Variants in MEI4 observed in about 807,000 individuals in gnomAD.
The protein encoded by MEI4 is meiotic double-stranded break formation protein 4.
Under a neutral mutation model 31.4 loss-of-function variants are expected in MEI4, and 27 were observed. That is an observed-to-expected ratio of 0.86 (90% CI 0.63 to 1.19). The LOEUF (loss-of-function observed/expected upper bound fraction) is 1.19, where lower values mean the gene tolerates loss of function less well. Ranked by LOEUF, MEI4 falls within the 50% of genes most tolerant of loss-of-function variation. The pLI, the probability that MEI4 is intolerant of heterozygous loss-of-function variation, is 0.00. For synonymous variants in MEI4, 122 were observed against 145.4 expected (o/e 0.84, Z 1.16); for missense variants, 329 against 398.9 (o/e 0.82, Z 1.49).
At chr6:77,861,317 C>A (rs1334059312) in intron 4 of MEI4, among the ~76,000 whole-genome samples, 1 of 152,238 alleles carries the variant, frequency 6.6e-6, no homozygotes, top group African/African-American at 2.4e-5. Flanking sequence ...ATATCTATCT[C>A]TAAAAGCTTG....
chr6:77,680,848 T>C (rs1178422269), intron 1 of MEI4, among the ~76,000 whole-genome samples: 1 of 152,128 alleles, frequency 6.6e-6, no homozygotes, highest in East Asian at 1.9e-4. Flanking sequence ...GAAATTTAAA[T>C]GAGTGAGACT....
At chr6:77,744,840 C>T (rs1455458159) in intron 2 of MEI4, among the ~76,000 whole-genome samples, 1 of 152,190 alleles carries the variant, frequency 6.6e-6, no homozygotes, top group African/African-American at 2.4e-5. Flanking sequence ...AAAGAATTTT[C>T]AACCCAGAAT....
rs569223894 is a variant in MEI4, at chr6:77,751,297, A to AC, written c.233-9833_233-9832insC. On this transcript the variant is annotated intron_variant, in intron 2 of 4. Transcript: ENST00000684080. ...AGAACTGAAGGAGATAGAAACACAC[A>AC]AAAAAAAACCCTTGAAAAAACTTGG... Among the ~76,000 whole-genome samples the AC allele has an allele frequency of 1.4e-3, 213 of 148,694 alleles. 1 individual carries two copies. Among genetic ancestry groups the AC allele is most frequent in the African/African-American group, 4.8e-3 (187 of 39,252 alleles).
At chr6:77,684,320 A>G (rs1769013288) in intron 1 of MEI4, among the ~76,000 whole-genome samples, 1 of 152,170 alleles carries the variant, frequency 6.6e-6, no homozygotes, top group South Asian at 2.1e-4. Context: ...CAGGAATGCA[A>G]TGTGAAATAA....
chr6:77,821,666 A>G (rs1769828845), intron 3 of MEI4, among the ~76,000 whole-genome samples: 1 of 152,114 alleles, frequency 6.6e-6, no homozygotes, highest in South Asian at 2.1e-4. Context: ...ATGGTGGCAC[A>G]TGCCTGTACT....
At chr6:77,773,200 C>T (rs754474407) in intron 3 of MEI4, among the ~76,000 whole-genome samples, 1 of 151,814 alleles carries the variant, frequency 6.6e-6, no homozygotes, top group Non-Finnish European at 1.5e-5. Flanking sequence ...AGTCCTAAAA[C>T]TTATATAGAA....
intron 4 of MEI4, among the ~76,000 whole-genome samples, chr6:77,871,648 G>A (rs1771195930): frequency 6.6e-6 from 1 of 151,842 alleles, no homozygotes; most frequent in Non-Finnish European, 1.5e-5. Context: ...TCAGCACCAG[G>A]CAATATACAC....
intron 2 of MEI4, among the ~76,000 whole-genome samples, chr6:77,740,264 G>T (rs1046492409): frequency 6.6e-6 from 1 of 152,130 alleles, no homozygotes; most frequent in Admixed American, 6.5e-5. Flanking sequence ...TGGCACATGA[G>T]GATGAGAAGA....
At chr6:77,901,978 T>C (rs1215973931) in intron 4 of MEI4, among the ~76,000 whole-genome samples, 1 of 152,130 alleles carries the variant, frequency 6.6e-6, no homozygotes, top group Non-Finnish European at 1.5e-5. Flanking sequence ...TTTTCTATTG[T>C]ATATTTTTGT....
chr6:77,732,643 G>T (rs1000938556), intron 2 of MEI4, among the ~76,000 whole-genome samples: 14 of 151,890 alleles, frequency 9.2e-5, no homozygotes, highest in South Asian at 4.2e-4. Context: ...TAATTGCCCT[G>T]GCCAAGACTT....
chr6:77,666,897 G>A (rs981755469), intron 1 of MEI4, among the ~76,000 whole-genome samples: 7 of 151,820 alleles, frequency 4.6e-5, no homozygotes, highest in South Asian at 2.1e-4. Flanking sequence ...GCGTGCGTGC[G>A]TGCATGTGTT....
intron 4 of MEI4, among the ~76,000 whole-genome samples, chr6:77,849,774 G>A (rs896358649): frequency 3.3e-5 from 5 of 152,104 alleles, no homozygotes; most frequent in African/African-American, 1.2e-4. Flanking sequence ...CTCTGTAATG[G>A]TACTCAAAAA....
rs548061004 is a variant in MEI4, at chr6:77,696,944, G to T, written c.232+6041G>T. On this transcript the variant is annotated intron_variant, in intron 2 of 4. Coordinates refer to ENST00000684080, the MANE Select transcript of MEI4 (RefSeq NM_001322247.2). The stretch of plus-strand genomic sequence containing the variant: ...TATTGATTATTGCCACAATTTCAGA[G>T]CCTGTTATTGGTCTATTGAGAGATT... Among the ~76,000 whole-genome samples the T allele has an allele frequency of 5.8e-3, 886 of 152,248 alleles. 10 individuals are homozygous for T. The highest frequency in any genetic ancestry group is 0.028 in the South Asian group (136 of 4,820).
intron 4 of MEI4, among the ~76,000 whole-genome samples, chr6:77,921,385 T>C (rs563386447): frequency 6.6e-6 from 1 of 151,844 alleles, no homozygotes; most frequent in Non-Finnish European, 1.5e-5. Flanking sequence ...TTTCTCTGGT[T>C]CAGGTATTGG....
Position 77,926,420 on chromosome 6 carries a change from G to GA in MEI4, c.*3075dup, listed in dbSNP as rs1766846388. Reference sequence around the variant, plus strand: ...AGCTCCCTCCAGAGGTGTTTAGGTAGACTGTGAGGCTGTAATGATAAGCAA... The same window carrying GA: ...AGCTCCCTCCAGAGGTGTTTAGGTAGAACTGTGAGGCTGTAATGATAAGCAA... On this transcript the variant is annotated 3_prime_UTR_variant, in exon 5 of 5. Coordinates refer to ENST00000684080, the MANE Select transcript of MEI4 (RefSeq NM_001322247.2). 1 of 151,916 alleles carries GA rather than the reference G, an allele frequency of 6.6e-6. No homozygotes were observed. The highest frequency in any genetic ancestry group is 2.1e-4 in the South Asian group (1 of 4,834). The allele number at this position is 151,916 out of a possible 1,614,324, so 9.4% of individuals were successfully genotyped here.
intron 4 of MEI4, among the ~76,000 whole-genome samples, chr6:77,908,472 A>ATT (rs1223820008): frequency 6.6e-6 from 1 of 151,964 alleles, no homozygotes; most frequent in Non-Finnish European, 1.5e-5. Flanking sequence ...ATGCGGCATT[A>ATT]TTTCTGAGGG....
chr6:77,676,908 T>C (rs1173525327), intron 1 of MEI4, among the ~76,000 whole-genome samples: 1 of 152,222 alleles, frequency 6.6e-6, no homozygotes, highest in African/African-American at 2.4e-5. Flanking sequence ...AAGTGTGGTA[T>C]GCTGTCACAA....
intron 3 of MEI4, among the ~76,000 whole-genome samples, chr6:77,805,790 T>C (rs1769416000): frequency 6.6e-6 from 1 of 152,010 alleles, no homozygotes; most frequent in African/African-American, 2.4e-5. Flanking sequence ...TTTGCTGTTT[T>C]CTCTTTCCCT....
intron 3 of MEI4, among the ~76,000 whole-genome samples, chr6:77,802,983 G>A (rs1010234642): frequency 2.0e-5 from 3 of 152,016 alleles, no homozygotes; most frequent in African/African-American, 7.2e-5. Context: ...TATCTTTGTG[G>A]CATTCTCTGT....
Sources: gnomAD v4.1 joint callset for allele counts (sites outside exome capture counted in the v4.1 genomes callset) on GRCh38, gnomAD v4.1.1 for gene constraint, MANE v1.5 for transcripts, NCBI Gene and HGNC (gene_info 2026-07-23, HGNC 2026-07-21) for gene names.